CEMIP: variants seen among roughly 807,000 people sequenced by gnomAD.
The protein encoded by CEMIP is cell migration-inducing and hyaluronan-binding protein.
A neutral mutation model predicts 156.9 loss-of-function variants in CEMIP; 105 were observed. That is an observed-to-expected ratio of 0.67 (90% CI 0.57 to 0.79). The LOEUF (loss-of-function observed/expected upper bound fraction) is 0.79. Ranked by LOEUF, CEMIP falls within the 30% of genes least tolerant of loss-of-function variation. The pLI, the probability that CEMIP is intolerant of heterozygous loss-of-function variation, is 0.00. For synonymous variants in CEMIP, 676 were observed against 668.4 expected (o/e 1.01, Z -0.17); for missense variants, 1,457 against 1,769.4 (o/e 0.82, Z 3.17).
chr15:80,832,488 A>G (rs1203352861), intron 1 of CEMIP, among the ~76,000 whole-genome samples: 1 of 152,092 alleles, frequency 6.6e-6, no homozygotes, highest in Non-Finnish European at 1.5e-5. Context: ...CCCGGCTCTC[A>G]TTTTGATGTT....
chr15:80,908,881 C>G (rs1166308524), intron 13 of CEMIP, among the ~76,000 whole-genome samples: 3 of 152,240 alleles, frequency 2.0e-5, no homozygotes, highest in Non-Finnish European at 4.4e-5. Flanking sequence ...CATTTCCTCA[C>G]AATGTCCTCT....
chr15:80,822,267 A>C (rs1446867205), intron 1 of CEMIP, among the ~76,000 whole-genome samples: 1 of 152,134 alleles, frequency 6.6e-6, no homozygotes, highest in East Asian at 1.9e-4. Context: ...ATGGCTGTTG[A>C]CTGAATGCAT....
Position 80,889,534 on chromosome 15 carries a change from T to G in CEMIP, c.1028T>G (p.Ile343Ser). The G allele has an allele frequency of 6.2e-7, 1 of 1,614,098 alleles. No homozygotes were observed. The change falls in exon 10 of 30, where the codon ATT becomes AGT. Residue 343 changes from isoleucine to serine, a missense_variant. Physicochemically the swap from Ile to Ser is moderately radical, Grantham distance 142. This residue lies in a region of CEMIP where 280 missense variants were observed against 300.3 expected (regional missense o/e 0.93). Transcript: ENST00000394685. ...TCTCAGACTAAAGGTGGGGAGAAAA[T>G]TTCAGACCTCTGGAAAGCTCACCCA... The part of the protein sequence containing the change: ...KVSQTKGGEK[I>S]SDLWKAHPGK...
At chr15:80,812,331 G>A (rs1896691604) in intron 1 of CEMIP, among the ~76,000 whole-genome samples, 1 of 152,188 alleles carries the variant, frequency 6.6e-6, no homozygotes, top group East Asian at 1.9e-4. Context: ...TAATTTCAAT[G>A]AGAAGCTTCT....
chr15:80,929,016 CA>C lies in CEMIP; in HGVS notation c.2457-2del. ...TCTCACCTTAAACATCTTCTCTCTA[CA>C]GTGGTGGAACCTTCCCGTATGACGA... On this transcript the variant is annotated splice_acceptor_variant, in intron 20 of 29. Transcript: ENST00000394685. LOFTEE classifies it high-confidence loss of function. 6.2e-7 allele frequency: 1 copy of C among 1,614,208 alleles called. No homozygotes were observed. The highest frequency in any genetic ancestry group is 8.5e-7 in the Non-Finnish European group (1 of 1,180,042).
intron 23 of CEMIP, among the ~76,000 whole-genome samples, chr15:80,934,804 G>A (rs541845128): frequency 3.5e-4 from 54 of 152,268 alleles, no homozygotes; most frequent in Non-Finnish European, 4.1e-4. Context: ...GCAGGAAGAA[G>A]GACCAGAGGA....
chr15:80,782,318 G>C (rs1895818622), intron 1 of CEMIP, among the ~76,000 whole-genome samples: 1 of 152,200 alleles, frequency 6.6e-6, no homozygotes, highest in South Asian at 2.1e-4. Flanking sequence ...GTAGGGGTTA[G>C]CTTTATGGAG....
chr15:80,839,289 A>AGTGTGTGTGTGTGTGTGTGTGTGTGTGT lies in CEMIP; in HGVS notation c.-175-34234_-175-34207dup, dbSNP rs34172431. Among the ~76,000 whole-genome samples, 18 of 131,120 alleles carry AGTGTGTGTGTGTGTGTGTGTGTGTGTGT rather than the reference A, an allele frequency of 1.4e-4. 1 individual carries two copies. The highest frequency in any genetic ancestry group is 5.5e-4 in the African/African-American group (18 of 32,572). The allele number at this position is 131,120 out of a possible 152,430, so 86.0% of individuals were successfully genotyped here. A position where few individuals can be genotyped will look rare whatever the true frequency, so the allele number is the denominator to read the frequency against. ...TGAAGGCTGTGGAGTCAAGGCCGTG[A>AGTGTGTGTGTGTGTGTGTGTGTGTGTGT]GTGTGTGTGTGTGTGTGTGTGTGTG... On this transcript the variant is annotated intron_variant, in intron 1 of 29. Transcript: ENST00000394685.
intron 16 of CEMIP, 39 bp downstream of exon 16, chr15:80,921,140 T>TG: frequency 1.9e-6 from 3 of 1,584,972 alleles, no homozygotes; most frequent in Non-Finnish European, 2.6e-6. Flanking sequence ...AAAGTGAGGG[T>TG]GGGGGCTGGA....
intron 6 of CEMIP, among the ~76,000 whole-genome samples, chr15:80,882,744 G>A (rs55732378): frequency 0.28 from 39,690 of 141,600 alleles, 5,569 homozygotes; most frequent in East Asian, 0.51. Context: ...GATAATAAGC[G>A]CATGCACACA....
chr15:80,799,342 C>T (rs1896316664), intron 1 of CEMIP, among the ~76,000 whole-genome samples: 1 of 152,252 alleles, frequency 6.6e-6, no homozygotes, highest in African/African-American at 2.4e-5. Context: ...AAATAGATGG[C>T]TCTTCCCTAG....
intron 14 of CEMIP, 189 bp downstream of exon 14, chr15:80,909,495 C>A: frequency 1.4e-6 from 1 of 694,950 alleles, no homozygotes. Context: ...GAGGTTTGTC[C>A]TTACCAAAGG....
At chr15:80,921,223 G>C in intron 16 of CEMIP, 122 bp downstream of exon 16, 1 of 918,248 alleles carries the variant, frequency 1.1e-6, no homozygotes, top group East Asian at 2.6e-5. Flanking sequence ...CCATGCAGAC[G>C]GGCTTAGCTG....
chr15:80,950,656 T>G lies in CEMIP; in HGVS notation c.*1732T>G, dbSNP rs1335419093. 2 of 152,506 alleles carry G rather than the reference T, an allele frequency of 1.3e-5. No homozygotes were observed. Among genetic ancestry groups the G allele is most frequent in the Non-Finnish European group, 2.9e-5 (2 of 68,130 alleles). 9.4% of individuals were successfully genotyped at this position (152,506 alleles called of 1,614,324 possible). On this transcript the variant is annotated 3_prime_UTR_variant, in exon 30 of 30. Transcript: ENST00000394685. ...CATGTTTCTGGTGAGCCAATTTGGCTGATCTTGGGTGTCTGAACAGCTATT... is the reference window on the plus strand; with the variant it reads ...CATGTTTCTGGTGAGCCAATTTGGCGGATCTTGGGTGTCTGAACAGCTATT...
intron 12 of CEMIP, among the ~76,000 whole-genome samples, chr15:80,900,648 G>GTGTGTGTC (rs1567090991): frequency 6.9e-4 from 77 of 111,876 alleles, no homozygotes; most frequent in African/African-American, 1.1e-3. Flanking sequence ...GTGTGTGTGT[G>GTGTGTGTC]TCTGTGTGTG....
chr15:80,845,460 A>G (rs531806275), intron 1 of CEMIP, among the ~76,000 whole-genome samples: 32 of 152,306 alleles, frequency 2.1e-4, no homozygotes, highest in Middle Eastern at 3.4e-3. Flanking sequence ...ATATTGAGCA[A>G]ATATGGTGCT....
At position 80,931,959 on chromosome 15, in the gene CEMIP, G is replaced by C; in HGVS notation, c.2713G>C (p.Ala905Pro). The change falls in exon 22 of 30, where the codon GCC (alanine) becomes CCC (proline). Residue 905 changes from alanine (A) to proline (P), a missense_variant. By Grantham distance (27) the Ala-to-Pro change is conservative. Coordinates refer to ENST00000394685, the MANE Select transcript of CEMIP (RefSeq NM_001293298.2). ...FVALEGRHTS[A>P]LAFRLNNAWQ... ...GGCCCTGGAGGGCCGGCACACCAGC[G>C]CCCTGGCCTTCCGCCTGAATAATGC... 1 of 1,614,188 alleles carries C rather than the reference G, an allele frequency of 6.2e-7. No homozygotes were observed. The highest frequency in any genetic ancestry group is 8.5e-7 in the Non-Finnish European group (1 of 1,180,032).
chr15:80,868,575 A>G (rs1898192511), intron 1 of CEMIP, among the ~76,000 whole-genome samples: 1 of 152,170 alleles, frequency 6.6e-6, no homozygotes, highest in Admixed American at 6.5e-5. Context: ...TCATATTCCT[A>G]TCAGCGCCTA....
chr15:80,904,961 A>C (rs1899732164), intron 12 of CEMIP, among the ~76,000 whole-genome samples: 1 of 152,200 alleles, frequency 6.6e-6, no homozygotes, highest in African/African-American at 2.4e-5. Context: ...ATCTTGAATA[A>C]GATACTTCAA....
Sources: gnomAD v4.1 joint callset for allele counts (sites outside exome capture counted in the v4.1 genomes callset) on GRCh38, gnomAD v4.1.1 for gene constraint, gnomAD v4.1.1 regional missense constraint, MANE v1.5 for transcripts, NCBI Gene and HGNC (gene_info 2026-07-23, HGNC 2026-07-21) for gene names.